Variants in BCL2L11 observed in about 807,000 individuals in gnomAD.
The protein encoded by BCL2L11 is bcl-2-like protein 11.
A neutral mutation model predicts 20.6 loss-of-function variants in BCL2L11; 15 were observed. The observed-to-expected ratio is 0.73, with a 90% CI of 0.49 to 1.12. The LOEUF (loss-of-function observed/expected upper bound fraction) is 1.12, where lower values mean the gene tolerates loss of function less well. BCL2L11 is among the 50% of genes most tolerant of loss of function. The pLI is 0.00. For synonymous variants in BCL2L11, 108 were observed against 92.8 expected, an observed-to-expected ratio of 1.16 and a Z score of -0.94; for missense variants, 292 against 260.9, an observed-to-expected ratio of 1.12 and a Z score of -0.82.
In BCL2L11 at chr2:111,120,982, C is replaced by CGCTGCTGCCGCT. The variant is rs879726911; in HGVS notation, c.-218_-217insTGCTGCCGCTGC. 3.0e-5 allele frequency: 1 copy of CGCTGCTGCCGCT among 33,376 alleles called. No homozygotes were observed. Among genetic ancestry groups the CGCTGCTGCCGCT allele is most frequent in the Non-Finnish European group, 4.9e-5 (1 of 20,404 alleles). 2.1% of individuals were successfully genotyped at this position (33,376 alleles called of 1,614,324 possible). ...CTGCGTCCAGCGCCGCTGCCGCTGC[C>CGCTGCTGCCGCT]GCCGCCGCCGCCGCCGCCGCCGCCG... is the stretch of plus-strand genomic sequence containing the variant. On this transcript the variant is annotated 5_prime_UTR_variant, in exon 1 of 4. Coordinates refer to ENST00000393256, the MANE Select transcript of BCL2L11 (RefSeq NM_138621.5).
Position 111,124,271 on chromosome 2 carries a change from A to G in BCL2L11, c.394+132A>G, listed in dbSNP as rs1250976273. On this transcript the variant is annotated intron_variant, in intron 2 of 3. Transcript: ENST00000393256. ...TTCCATCTTTAGATGGGAATGGAGG[A>G]TGTGTCAAACTATCAAACCAACTTT... The G allele has an allele frequency of 3.9e-6, 4 of 1,025,120 alleles. No individual in the cohort carries two copies. The African/African-American group carries it at 6.6e-5, about 17-fold the overall frequency. 63.5% of individuals were successfully genotyped at this position (1,025,120 alleles called of 1,614,324 possible). A position where few individuals can be genotyped will look rare whatever the true frequency, so the allele number is the denominator to read the frequency against.
At chr2:111,152,494 T>C (rs1027414854) in intron 3 of BCL2L11, among the ~76,000 whole-genome samples, 1 of 152,266 alleles carries the variant, frequency 6.6e-6, no homozygotes, top group Non-Finnish European at 1.5e-5. Context: ...TCCACAAGGC[T>C]TTCCTGTGGG....
At chr2:111,161,526 A>G in intron 3 of BCL2L11, 2 of 1,548,524 alleles carry the variant, frequency 1.3e-6, no homozygotes, top group South Asian at 2.4e-5. Flanking sequence ...CGGTCAAGGC[A>G]TGGCTGCTGA....
rs1054436806 is a variant in BCL2L11, at chr2:111,165,917, T to C, written c.*1686T>C. ...TTATCTTCATAATTTAAAAAATATA[T>C]ATGTATATATTGCATATTCACTTTT... On this transcript the variant is annotated 3_prime_UTR_variant, in exon 4 of 4. Transcript: ENST00000393256. The C allele has an allele frequency of 1.3e-5, 2 of 152,224 alleles. No homozygotes were observed. Among genetic ancestry groups the C allele is most frequent in the Non-Finnish European group, 2.9e-5 (2 of 68,040 alleles). 9.4% of individuals were successfully genotyped at this position (152,224 alleles called of 1,614,324 possible).
chr2:111,121,155 GTCTGAC>G lies in BCL2L11; in HGVS notation c.-37_-32del, dbSNP rs1383838092. 1 of 256,622 alleles carries G rather than the reference GTCTGAC, an allele frequency of 3.9e-6. No homozygotes were observed. Among genetic ancestry groups the G allele is most frequent in the Non-Finnish European group, 7.5e-6 (1 of 134,180 alleles). The allele number at this position is 256,622 out of a possible 1,614,324, so 15.9% of individuals were successfully genotyped here. A position where few individuals can be genotyped will look rare whatever the true frequency, so the allele number is the denominator to read the frequency against. On this transcript the variant is annotated 5_prime_UTR_variant, in exon 1 of 4. Coordinates refer to ENST00000393256, the MANE Select transcript of BCL2L11 (RefSeq NM_138621.5). ...TTTCTTGGCCCTTGTTCCCCCAAAT[GTCTGAC>G]TCTGACTCTCGGACTGAGAAACGCA... is the stretch of plus-strand genomic sequence containing the variant.
intron 2 of BCL2L11, among the ~76,000 whole-genome samples, chr2:111,136,815 T>C (rs753115090): frequency 6.6e-6 from 1 of 152,192 alleles, no homozygotes; most frequent in Non-Finnish European, 1.5e-5. Context: ...GTTTATACCA[T>C]AGCAGTATCA....
chr2:111,148,078 A>G (rs1050593316), intron 2 of BCL2L11, among the ~76,000 whole-genome samples: 3 of 152,242 alleles, frequency 2.0e-5, no homozygotes, highest in Non-Finnish European at 4.4e-5. Flanking sequence ...TAAAACATCA[A>G]TCTGTAGTTC....
In BCL2L11 at chr2:111,165,195, C is replaced by CT. The variant is rs2078966019; in HGVS notation, c.*966dup. 6.6e-6 allele frequency: 1 copy of CT among 152,234 alleles called. No homozygotes were observed. Among genetic ancestry groups the CT allele is most frequent in the Non-Finnish European group, 1.5e-5 (1 of 68,042 alleles). The allele number at this position is 152,234 out of a possible 1,614,324, so 9.4% of individuals were successfully genotyped here. ...AGGCAATAGCAGTAATAACAACAGA[C>CT]TTAAGTGCTACGCCCCTTTGTGCTG... On this transcript the variant is annotated 3_prime_UTR_variant, in exon 4 of 4. Transcript: ENST00000393256.
intron 1 of BCL2L11, chr2:111,123,126 G>A (rs1219777763): frequency 3.1e-6 from 3 of 983,062 alleles, no homozygotes; most frequent in Non-Finnish European, 3.6e-6. Flanking sequence ...TCGGTGCGGC[G>A]TGCGGTACGG....
chr2:111,152,206 G>T (rs2077339184), intron 3 of BCL2L11, among the ~76,000 whole-genome samples: 1 of 152,224 alleles, frequency 6.6e-6, no homozygotes, highest in Admixed American at 6.5e-5. Context: ...CCTAGGCAAT[G>T]AACTGACCAT....
chr2:111,122,702 G>A, intron 1 of BCL2L11: 2 of 982,128 alleles, frequency 2.0e-6, no homozygotes, highest in South Asian at 4.5e-5. Flanking sequence ...GAGGCGCGGC[G>A]TGCGGAGCCC....
chr2:111,145,920 C>CT (rs58738963), intron 2 of BCL2L11: 17,846 of 729,844 alleles, frequency 0.024, 18 homozygotes, highest in South Asian at 0.026. Context: ...TAGTGGCTTT[C>CT]TTTTTTTTTT....
intron 2 of BCL2L11, chr2:111,128,842 T>C (rs750761366): frequency 7.5e-5 from 107 of 1,432,538 alleles, no homozygotes; most frequent in Non-Finnish European, 9.3e-5. Flanking sequence ...TATTTTAATA[T>C]TGACTTTCTC....
intron 2 of BCL2L11, 83 bp from the exon 3 acceptor site, chr2:111,149,961 T>G (rs2077047564): frequency 9.4e-6 from 11 of 1,171,240 alleles, no homozygotes; most frequent in Middle Eastern, 2.8e-4. Flanking sequence ...GAGATGGGCT[T>G]GCCTCTAGAG....
At chr2:111,127,552 CAA>C (rs1338765804) in intron 2 of BCL2L11, among the ~76,000 whole-genome samples, 1 of 151,488 alleles carries the variant, frequency 6.6e-6, no homozygotes, top group African/African-American at 2.4e-5. Flanking sequence ...GAGTGCCTGA[CAA>C]AGAGGAGAAG....
chr2:111,142,487 C>T, intron 2 of BCL2L11: 2 of 930,096 alleles, frequency 2.2e-6, no homozygotes, highest in Non-Finnish European at 3.4e-6. Context: ...CTTAGCCCTA[C>T]AGTGTGTTAT....
At chr2:111,128,503 T>C (rs1489814834) in intron 2 of BCL2L11, 5 of 1,280,808 alleles carry the variant, frequency 3.9e-6, no homozygotes, top group Non-Finnish European at 5.0e-6. Context: ...ATTTTTAATT[T>C]TTTGGGGAAC....
intron 3 of BCL2L11, chr2:111,161,370 A>G: frequency 6.5e-7 from 1 of 1,545,150 alleles, no homozygotes; most frequent in Non-Finnish European, 8.8e-7. Context: ...TCTTTTTTAT[A>G]TTACCCAGTT....
At chr2:111,128,603 C>G (rs1432728903) in intron 2 of BCL2L11, 2 of 1,402,170 alleles carry the variant, frequency 1.4e-6, no homozygotes, top group Non-Finnish European at 1.9e-6. Flanking sequence ...CTTACCAACA[C>G]TTTTTTTTTT....
Sources: allele counts gnomAD v4.1 joint callset (sites outside exome capture counted in the v4.1 genomes callset), GRCh38; gene constraint gnomAD v4.1.1; transcripts MANE v1.5; gene names NCBI Gene and HGNC (gene_info 2026-07-23, HGNC 2026-07-21).